Variants in KCNK2 observed in about 807,000 individuals in gnomAD.
The protein encoded by KCNK2 is potassium channel subfamily K member 2.
KCNK2 carries 21 observed loss-of-function variants against 40.5 expected under a neutral mutation model. The observed-to-expected ratio is 0.52, with a 90% CI of 0.37 to 0.75. KCNK2 has a LOEUF of 0.75. Ranked by LOEUF, KCNK2 falls within the 30% of genes least tolerant of loss-of-function variation. KCNK2 has a pLI of 0.00. For missense variants in KCNK2, 399 were observed against 531.6 expected, an observed-to-expected ratio of 0.75 and a Z score of 2.45; for synonymous variants, 191 against 202.2, an observed-to-expected ratio of 0.94 and a Z score of 0.47.
chr1:215,160,852 A>C (rs1367481533), intron 3 of KCNK2, among the ~76,000 whole-genome samples: 1 of 151,988 alleles, frequency 6.6e-6, no homozygotes, highest in Non-Finnish European at 1.5e-5. Context: ...TGGGTTTCAG[A>C]CTTATACATG....
At chr1:215,165,750 G>A (rs1431785319) in intron 3 of KCNK2, among the ~76,000 whole-genome samples, 1 of 151,948 alleles carries the variant, frequency 6.6e-6, no homozygotes, top group Non-Finnish European at 1.5e-5. Context: ...ATAATATACT[G>A]CTAAACTGTT....
At chr1:215,121,946 C>T (rs1027810087) in intron 2 of KCNK2, among the ~76,000 whole-genome samples, 1 of 152,032 alleles carries the variant, frequency 6.6e-6, no homozygotes, top group Non-Finnish European at 1.5e-5. Flanking sequence ...ATAACTGGCA[C>T]AAACAGAAGA....
At chr1:215,167,362 C>A (rs1321526758) in intron 3 of KCNK2, among the ~76,000 whole-genome samples, 1 of 151,172 alleles carries the variant, frequency 6.6e-6, no homozygotes, top group African/African-American at 2.4e-5. Flanking sequence ...CCCAAAATAT[C>A]TGCTCACATT....
chr1:215,032,121 T>TTTTTAA (rs1657222255), intron 1 of KCNK2, among the ~76,000 whole-genome samples: 1 of 150,984 alleles, frequency 6.6e-6, no homozygotes, highest in African/African-American at 2.4e-5. Flanking sequence ...TTTTTTTTTT[T>TTTTTAA]AGAAGGGCAG....
chr1:215,059,181 T>C (rs1658282972), intron 1 of KCNK2, among the ~76,000 whole-genome samples: 1 of 148,952 alleles, frequency 6.7e-6, no homozygotes, highest in Non-Finnish European at 1.5e-5. Flanking sequence ...ACATATTTAT[T>C]TCCCCCTGTC....
chr1:215,151,873 T>G lies in KCNK2; in HGVS notation c.476-17326T>G, dbSNP rs191682131. On this transcript the variant is annotated intron_variant, in intron 3 of 6. Transcript: ENST00000444842. ...TTTAGCCTAACCATGCTTACCTTAC[T>G]TATTGAACGTCTACATCTTTTTAAC... 2.9e-3 allele frequency among the ~76,000 whole-genome samples: 448 copies of G among 152,252 alleles called. 2 individuals are homozygous for G. The highest frequency in any genetic ancestry group is 0.01 in the African/African-American group (420 of 41,580).
intron 1 of KCNK2, among the ~76,000 whole-genome samples, chr1:215,047,809 T>C (rs1203958593): frequency 6.6e-6 from 1 of 152,178 alleles, no homozygotes; most frequent in Non-Finnish European, 1.5e-5. Context: ...ATGAAATATT[T>C]CAATACAGAT....
intron 1 of KCNK2, among the ~76,000 whole-genome samples, chr1:215,007,184 GGTAT>G (rs1345775633): frequency 1.2e-4 from 2 of 16,218 alleles, no homozygotes; most frequent in Non-Finnish European, 1.6e-4. Context: ...TATGTGTGTG[GGTAT>G]ATATATATAT....
chr1:215,179,906 G>T (rs1052085446), intron 5 of KCNK2, among the ~76,000 whole-genome samples: 2 of 151,928 alleles, frequency 1.3e-5, no homozygotes, highest in African/African-American at 4.8e-5. Context: ...TTTAAGCCCA[G>T]AACTTCTTAG....
intron 1 of KCNK2, among the ~76,000 whole-genome samples, chr1:215,011,189 C>G (rs1656373791): frequency 6.6e-6 from 1 of 152,048 alleles, no homozygotes; most frequent in Non-Finnish European, 1.5e-5. Context: ...AAACCTCCTC[C>G]ATCTCAAACT....
chr1:215,067,738 T>C (rs1469727509), intron 1 of KCNK2, among the ~76,000 whole-genome samples: 2 of 152,038 alleles, frequency 1.3e-5, no homozygotes, highest in African/African-American at 4.8e-5. Context: ...TGGTGGTGGG[T>C]GCCTGTAATC....
chr1:215,234,678 A>C, intron 6 of KCNK2, 150 bp from the exon 7 acceptor site: 1 of 685,502 alleles, frequency 1.5e-6, no homozygotes, highest in Non-Finnish European at 2.5e-6. Flanking sequence ...TACCCTGCCT[A>C]ATTTCATCAA....
At chr1:215,222,863 T>G (rs2102702114) in intron 6 of KCNK2, among the ~76,000 whole-genome samples, 1 of 152,240 alleles carries the variant, frequency 6.6e-6, no homozygotes, top group East Asian at 1.9e-4. Context: ...GTTAGGAATT[T>G]TAGTCTAGGC....
chr1:215,109,164 A>C (rs1251762897), intron 2 of KCNK2, among the ~76,000 whole-genome samples: 1 of 151,878 alleles, frequency 6.6e-6, no homozygotes, highest in East Asian at 1.9e-4. Context: ...GGTATTTAGG[A>C]TATCTGTCAC....
intron 1 of KCNK2, among the ~76,000 whole-genome samples, chr1:215,037,796 A>G (rs1312695760): frequency 6.6e-6 from 1 of 151,894 alleles, no homozygotes; most frequent in Non-Finnish European, 1.5e-5. Context: ...GTATTTGCCA[A>G]TTTTATCAAA....
intron 1 of KCNK2, among the ~76,000 whole-genome samples, chr1:215,011,855 C>T (rs1320654326): frequency 6.6e-6 from 1 of 151,716 alleles, no homozygotes; most frequent in Non-Finnish European, 1.5e-5. Context: ...ATCCACCCGC[C>T]TCGGCCTCCC....
Position 215,177,740 on chromosome 1 carries a change from A to ATATATATAT in KCNK2, c.823+5558_823+5559insATATATATT, listed in dbSNP as rs71167812. ...TATATGTGTATATATATATATATATATTTTTTTTTTTTGTAGCAGTACCAT... is the reference window on the plus strand; with the variant it reads ...TATATGTGTATATATATATATATATATATATATATTTTTTTTTTTTTGTAGCAGTACCAT... On this transcript the variant is annotated intron_variant, in intron 5 of 6. Coordinates refer to ENST00000444842, the MANE Select transcript of KCNK2 (RefSeq NM_001017425.3). Among the ~76,000 whole-genome samples the ATATATATAT allele has an allele frequency of 1.0e-3, 105 of 101,582 alleles. 2 individuals carry two copies. Among genetic ancestry groups the ATATATATAT allele is most frequent in the South Asian group, 1.8e-3 (6 of 3,294 alleles). 66.6% of individuals were successfully genotyped at this position (101,582 alleles called of 152,430 possible).
chr1:215,109,963 G>A (rs534445468), intron 2 of KCNK2, among the ~76,000 whole-genome samples: 82 of 152,090 alleles, frequency 5.4e-4, no homozygotes, highest in African/African-American at 1.9e-3. Context: ...TCATTTCTCT[G>A]ATGAGTAGTG....
chr1:215,080,057 G>T (rs567068909), upstream of KCNK2, among the ~76,000 whole-genome samples: 189 of 152,302 alleles, frequency 1.2e-3, no homozygotes, highest in African/African-American at 4.4e-3. Context: ...GGGGAATGTG[G>T]AGGACAACTG....
Sources: allele counts gnomAD v4.1 joint callset (sites outside exome capture counted in the v4.1 genomes callset), GRCh38; gene constraint gnomAD v4.1.1; transcripts MANE v1.5; gene names NCBI Gene and HGNC (gene_info 2026-07-23, HGNC 2026-07-21).